The following CNTNAP2 variants were observed in gnomAD, a reference collection of about 807,000 sequenced individuals.
CNTNAP2 encodes contactin associated protein 2.
In CNTNAP2, 98 loss-of-function variants were observed where a neutral mutation model predicts 155.2. That is an observed-to-expected ratio of 0.63 (90% CI 0.54 to 0.75). The LOEUF is 0.75. CNTNAP2 is among the 30% of genes least tolerant of loss of function. CNTNAP2 has a pLI of 0.00. For missense variants in CNTNAP2, 1,727 were observed against 1,688.1 expected (o/e 1.02, Z -0.40); for synonymous variants, 651 against 631.2 (o/e 1.03, Z -0.47).
chr7:146,305,890 T>C (rs1440340709), intron 1 of CNTNAP2, among the ~76,000 whole-genome samples: 1 of 151,770 alleles, frequency 6.6e-6, no homozygotes, highest in Non-Finnish European at 1.5e-5. Flanking sequence ...AAGAAATAAC[T>C]AAGATCAGAG....
At chr7:147,624,829 A>G (rs1193967457) in intron 12 of CNTNAP2, among the ~76,000 whole-genome samples, 1 of 152,204 alleles carries the variant, frequency 6.6e-6, no homozygotes, top group African/African-American at 2.4e-5. Flanking sequence ...AGTACTGTTC[A>G]CAATAGCCAA....
chr7:146,735,369 G>A (rs1000126995), intron 1 of CNTNAP2, among the ~76,000 whole-genome samples: 1 of 152,054 alleles, frequency 6.6e-6, no homozygotes, highest in Non-Finnish European at 1.5e-5. Context: ...TGGCTAACAC[G>A]GTGAAACCCT....
chr7:148,060,180 T>C (rs1275443724), intron 15 of CNTNAP2, among the ~76,000 whole-genome samples: 2 of 152,212 alleles, frequency 1.3e-5, no homozygotes, highest in African/African-American at 2.4e-5. Flanking sequence ...TACAGCCACA[T>C]TGACTTTTAA....
At chr7:146,944,587 T>G (rs1238933693) in intron 3 of CNTNAP2, among the ~76,000 whole-genome samples, 1 of 151,918 alleles carries the variant, frequency 6.6e-6, no homozygotes, top group Non-Finnish European at 1.5e-5. Flanking sequence ...CATAGAAAAA[T>G]CTTAAGGCTG....
chr7:147,270,346 G>C (rs1205199287), intron 8 of CNTNAP2, among the ~76,000 whole-genome samples: 1 of 152,194 alleles, frequency 6.6e-6, no homozygotes, highest in Non-Finnish European at 1.5e-5. Context: ...GACAAAAAAG[G>C]ATGCAGGATA....
chr7:147,975,534 G>C (rs1031335486), intron 14 of CNTNAP2, among the ~76,000 whole-genome samples: 7 of 151,988 alleles, frequency 4.6e-5, no homozygotes, highest in African/African-American at 1.5e-4. Flanking sequence ...ATGCTGGAAG[G>C]GTTAAACAAT....
At chr7:147,829,161 T>C (rs1798508956) in intron 13 of CNTNAP2, among the ~76,000 whole-genome samples, 4 of 152,184 alleles carry the variant, frequency 2.6e-5, no homozygotes. Flanking sequence ...ATGCAGATTT[T>C]TTTTCAGGTG....
In CNTNAP2 at chr7:148,308,288, C is replaced by T. The variant is rs117362169; in HGVS notation, c.3475+41162C>T. Reference sequence around the variant, plus strand: ...ATATAATTATATGTAAATATAATTACAATTATAACATTAATACATGTTCAC... The same window carrying T: ...ATATAATTATATGTAAATATAATTATAATTATAACATTAATACATGTTCAC... On this transcript the variant is annotated intron_variant, in intron 21 of 23. Coordinates refer to ENST00000361727, the MANE Select transcript of CNTNAP2 (RefSeq NM_014141.6). Among the ~76,000 whole-genome samples the T allele has an allele frequency of 7.4e-3, 1,116 of 151,632 alleles. 7 individuals are homozygous for T. The highest frequency in any genetic ancestry group is 0.013 in the Non-Finnish European group (867 of 67,880).
intron 13 of CNTNAP2, among the ~76,000 whole-genome samples, chr7:147,700,641 T>C (rs1391051488): frequency 1.3e-5 from 2 of 152,150 alleles, no homozygotes; most frequent in African/African-American, 2.4e-5. Flanking sequence ...AGTAAAGTGA[T>C]TGAAACTTGG....
chr7:148,365,364 A>C (rs1301398492), intron 21 of CNTNAP2, among the ~76,000 whole-genome samples: 3 of 152,206 alleles, frequency 2.0e-5, no homozygotes, highest in African/African-American at 7.2e-5. Flanking sequence ...CAGTCAAAAA[A>C]TAATATTACT....
intron 1 of CNTNAP2, among the ~76,000 whole-genome samples, chr7:146,168,133 T>G (rs529450308): frequency 1.3e-5 from 2 of 152,250 alleles, no homozygotes; most frequent in South Asian, 2.1e-4. Context: ...CCACCCAGAT[T>G]GAGGGTGGGT....
At chr7:146,936,684 C>G (rs113445607) in intron 3 of CNTNAP2, among the ~76,000 whole-genome samples, 7 of 152,328 alleles carry the variant, frequency 4.6e-5, no homozygotes, top group African/African-American at 1.7e-4. Flanking sequence ...GTCACAATAT[C>G]TGAATCTTGG....
At chr7:148,100,546 C>T (rs1317719319) in intron 15 of CNTNAP2, among the ~76,000 whole-genome samples, 16 of 152,168 alleles carry the variant, frequency 1.1e-4, no homozygotes, top group Non-Finnish European at 1.5e-5. Context: ...TACTTTTGCA[C>T]CAACCTAATA....
chr7:147,657,907 C>G (rs1795549097), intron 13 of CNTNAP2, among the ~76,000 whole-genome samples: 1 of 152,130 alleles, frequency 6.6e-6, no homozygotes, highest in Non-Finnish European at 1.5e-5. Flanking sequence ...GACTTGCTGC[C>G]TCAAATTCTA....
chr7:147,242,857 CT>C (rs777565944), intron 8 of CNTNAP2, among the ~76,000 whole-genome samples: 1 of 152,026 alleles, frequency 6.6e-6, no homozygotes. Flanking sequence ...TTTAAAATCA[CT>C]TATGAGACAC....
chr7:148,332,777 C>G (rs557754233), intron 21 of CNTNAP2, among the ~76,000 whole-genome samples: 34 of 152,286 alleles, frequency 2.2e-4, no homozygotes, highest in African/African-American at 7.9e-4. Flanking sequence ...GGCTGTTTGT[C>G]CTTTTTTGAA....
At chr7:147,554,979 A>G (rs1039165650) in intron 11 of CNTNAP2, among the ~76,000 whole-genome samples, 13 of 152,206 alleles carry the variant, frequency 8.5e-5, no homozygotes, top group Non-Finnish European at 1.5e-5. Flanking sequence ...GAGAGCTTTC[A>G]CTGAGGAGGG....
intron 3 of CNTNAP2, among the ~76,000 whole-genome samples, chr7:146,864,735 A>G (rs556901152): frequency 3.0e-4 from 45 of 152,194 alleles, no homozygotes; most frequent in African/African-American, 1.1e-3. Flanking sequence ...CAAGCCTGTA[A>G]TCTCAGTGCT....
chr7:146,296,957 T>C (rs7793130), intron 1 of CNTNAP2, among the ~76,000 whole-genome samples: 8 of 142,882 alleles, frequency 5.6e-5, no homozygotes, highest in African/African-American at 2.4e-4. Flanking sequence ...GCAGGTATTA[T>C]CTGTGTGTGT....
Sources: allele counts gnomAD v4.1 joint callset (sites outside exome capture counted in the v4.1 genomes callset), GRCh38; gene constraint gnomAD v4.1.1; transcripts MANE v1.5; gene names NCBI Gene and HGNC (gene_info 2026-07-23, HGNC 2026-07-21).